Variants in UBE2U observed in about 807,000 individuals in gnomAD.
The protein encoded by UBE2U is ubiquitin-conjugating enzyme E2 U.
In UBE2U, 39 loss-of-function variants were observed where a neutral mutation model predicts 41.2. That is an observed-to-expected ratio of 0.95 (90% CI 0.73 to 1.24). The LOEUF (loss-of-function observed/expected upper bound fraction) is 1.24, where lower values mean the gene tolerates loss of function less well. UBE2U is among the 50% of genes most tolerant of loss of function. UBE2U has a pLI of 0.00. For synonymous variants in UBE2U, 107 were observed against 117.8 expected, an observed-to-expected ratio of 0.91 and a Z score of 0.60; for missense variants, 336 against 363.1, an observed-to-expected ratio of 0.93 and a Z score of 0.61.
At chr1:64,256,508 A>C (rs1435734810) in intron 8 of UBE2U, among the ~76,000 whole-genome samples, 1 of 152,184 alleles carries the variant, frequency 6.6e-6, no homozygotes, top group Non-Finnish European at 1.5e-5. Context: ...GACAAAAACA[A>C]GCAATGGGGA....
At chr1:64,248,463 A>C (rs1012861564) in intron 8 of UBE2U, among the ~76,000 whole-genome samples, 4 of 152,202 alleles carry the variant, frequency 2.6e-5, no homozygotes, top group African/African-American at 9.6e-5. Context: ...TATTCTTCTT[A>C]TTATACATGT....
intron 7 of UBE2U, among the ~76,000 whole-genome samples, chr1:64,239,185 AAG>A (rs1408213204): frequency 6.9e-6 from 1 of 145,686 alleles, no homozygotes; most frequent in African/African-American, 2.5e-5. Context: ...GAAGAAGAAG[AAG>A]AAGAAAGCCC....
chr1:64,229,564 G>A (rs1378253433), intron 6 of UBE2U, among the ~76,000 whole-genome samples: 3 of 152,176 alleles, frequency 2.0e-5, no homozygotes, highest in Non-Finnish European at 4.4e-5. Context: ...GTGCCGGAGG[G>A]TTTTAACCCA....
rs1645264843 is a variant in UBE2U at position 64,267,030 on chromosome 1, T to A, written c.776T>A (p.Ile259Asn). Reference protein sequence around the residue: ...EIKLCPTLNEIFLESPTAINS... With the variant: ...EIKLCPTLNENFLESPTAINS... Reference sequence around the variant, plus strand: ...TTTATAATTCCCACCACAGATGAAATTTTTCTTGAGTCACCAACTGCAATA... The same window carrying A: ...TTTATAATTCCCACCACAGATGAAAATTTTCTTGAGTCACCAACTGCAATA... The change falls in exon 10 of 10, where the codon ATT becomes AAT. Residue 259 changes from isoleucine (I) to asparagine (N), a missense_variant. Ile to Asn is a moderately radical substitution (Grantham distance 149). Coordinates refer to ENST00000371077, the MANE Select transcript of UBE2U (RefSeq NM_001366232.2). 1 of 1,547,654 alleles carries A rather than the reference T, an allele frequency of 6.5e-7. No homozygotes were observed. The highest frequency in any genetic ancestry group is 1.4e-5 in the African/African-American group (1 of 72,936).
At chr1:64,223,692 G>A (rs1238778041) in intron 6 of UBE2U, among the ~76,000 whole-genome samples, 1 of 152,160 alleles carries the variant, frequency 6.6e-6, no homozygotes. Flanking sequence ...TCAAGATGCT[G>A]GGGGAGCACA....
intron 4 of UBE2U, among the ~76,000 whole-genome samples, chr1:64,214,583 A>T (rs1651863923): frequency 6.6e-6 from 1 of 152,162 alleles, no homozygotes; most frequent in Non-Finnish European, 1.5e-5. Context: ...ACAGAAAGGA[A>T]CTTGTAACTT....
chr1:64,250,961 T>C (rs1467538278), intron 8 of UBE2U, among the ~76,000 whole-genome samples: 3 of 151,202 alleles, frequency 2.0e-5, no homozygotes, highest in Admixed American at 6.6e-5. Context: ...ACACCTAATG[T>C]TAAATGACGA....
chr1:64,239,943 A>G (rs1029851837), intron 7 of UBE2U, among the ~76,000 whole-genome samples: 2 of 152,180 alleles, frequency 1.3e-5, no homozygotes, highest in Non-Finnish European at 2.9e-5. Flanking sequence ...AGGAATCACC[A>G]CACTGTTTTC....
At chr1:64,205,334 A>C (rs1000729283) in intron 1 of UBE2U, among the ~76,000 whole-genome samples, 1 of 152,200 alleles carries the variant, frequency 6.6e-6, no homozygotes, top group Admixed American at 6.5e-5. Flanking sequence ...TTGAATATTA[A>C]ATTGGTTATT....
intron 6 of UBE2U, among the ~76,000 whole-genome samples, chr1:64,226,346 G>A (rs1652865474): frequency 6.6e-6 from 1 of 152,178 alleles, no homozygotes; most frequent in Non-Finnish European, 1.5e-5. Flanking sequence ...TCCGATCGGT[G>A]ATTGCCCAGA....
chr1:64,232,739 C>A, intron 7 of UBE2U, 90 bp downstream of exon 7: 2 of 959,238 alleles, frequency 2.1e-6, no homozygotes, highest in South Asian at 1.6e-5. Context: ...TGACACACAT[C>A]TGCTATGTAA....
chr1:64,206,997 GA>G (rs1651337732), intron 3 of UBE2U, 141 bp downstream of exon 3: 1 of 635,476 alleles, frequency 1.6e-6, no homozygotes, highest in Admixed American at 3.3e-5. Flanking sequence ...GAAAAGGCTG[GA>G]AAAAATTAGC....
intron 3 of UBE2U, 34 bp downstream of exon 3, chr1:64,206,890 C>T: frequency 1.6e-6 from 2 of 1,221,440 alleles, no homozygotes; most frequent in East Asian, 2.3e-5. Context: ...TCATTAGAGG[C>T]TTTGTCCCTA....
chr1:64,244,110 G>A, intron 8 of UBE2U: 1 of 1,571,516 alleles, frequency 6.4e-7, no homozygotes, highest in Non-Finnish European at 8.8e-7. Flanking sequence ...ACTTTACTGT[G>A]GCCCTCATTC....
intron 8 of UBE2U, among the ~76,000 whole-genome samples, chr1:64,256,542 G>A (rs1645094503): frequency 6.6e-6 from 1 of 152,100 alleles, no homozygotes; most frequent in Non-Finnish European, 1.5e-5. Context: ...TTAATAAATG[G>A]TGCTGGGAAA....
intron 8 of UBE2U, among the ~76,000 whole-genome samples, chr1:64,250,354 A>C (rs966569437): frequency 1.3e-4 from 20 of 152,210 alleles, no homozygotes; most frequent in Admixed American, 1.2e-3. Flanking sequence ...CTTCACACAA[A>C]GACAACTTTA....
chr1:64,207,431 A>T (rs1284961414), intron 3 of UBE2U, among the ~76,000 whole-genome samples: 1 of 152,210 alleles, frequency 6.6e-6, no homozygotes, highest in Non-Finnish European at 1.5e-5. Context: ...GCTGTGAACC[A>T]CTGCGCCTGG....
chr1:64,260,429 T>C (rs1218472891), intron 8 of UBE2U, among the ~76,000 whole-genome samples, 174 bp from the exon 9 acceptor site: 2 of 151,958 alleles, frequency 1.3e-5, no homozygotes, highest in African/African-American at 4.8e-5. Flanking sequence ...AAAGCACATA[T>C]TGAAATAATT....
chr1:64,227,940 C>T (rs1652989072), intron 6 of UBE2U, among the ~76,000 whole-genome samples: 1 of 152,082 alleles, frequency 6.6e-6, no homozygotes, highest in Non-Finnish European at 1.5e-5. Flanking sequence ...GTAGAAATAT[C>T]CAATGTTTGT....
Sources: gnomAD v4.1 joint callset for allele counts (sites outside exome capture counted in the v4.1 genomes callset) on GRCh38, gnomAD v4.1.1 for gene constraint, MANE v1.5 for transcripts, NCBI Gene and HGNC (gene_info 2026-07-23, HGNC 2026-07-21) for gene names.